THSD7B: variants seen among roughly 807,000 people sequenced by gnomAD.
The protein encoded by THSD7B is thrombospondin type 1 domain containing 7B.
A neutral mutation model predicts 213.6 loss-of-function variants in THSD7B; 138 were observed. That is an observed-to-expected ratio of 0.65 (90% confidence interval 0.56 to 0.74). The LOEUF is 0.74. Among genes scored for constraint, THSD7B ranks in the 30% least tolerant of loss-of-function variants. THSD7B has a pLI of 0.00. For missense variants in THSD7B, 1,931 were observed against 1,991.5 expected, an observed-to-expected ratio of 0.97 and a Z score of 0.58; for synonymous variants, 742 against 687.0, an observed-to-expected ratio of 1.08 and a Z score of -1.25.
chr2:137,584,084 C>T (rs113764024), intron 17 of THSD7B, among the ~76,000 whole-genome samples: 33,106 of 151,866 alleles, frequency 0.22, 3,775 homozygotes, highest in Middle Eastern at 0.32. Context: ...CTAGGTATTT[C>T]ATTCTCTTTG....
chr2:137,379,930 C>G (rs1685737235), intron 12 of THSD7B, among the ~76,000 whole-genome samples: 1 of 152,186 alleles, frequency 6.6e-6, no homozygotes, highest in Admixed American at 6.6e-5. Context: ...CCCTGCGGCC[C>G]AAATAATAGA....
intron 10 of THSD7B, among the ~76,000 whole-genome samples, chr2:137,247,778 A>G (rs763941908): frequency 3.9e-5 from 6 of 152,062 alleles, no homozygotes; most frequent in Non-Finnish European, 7.4e-5. Context: ...AAAAACAGAC[A>G]GTGATTTTTT....
intron 15 of THSD7B, among the ~76,000 whole-genome samples, chr2:137,471,199 G>A (rs1688088239): frequency 6.6e-6 from 1 of 152,082 alleles, no homozygotes; most frequent in Non-Finnish European, 1.5e-5. Context: ...GCAATTATAG[G>A]TGTAAGCCAC....
intron 15 of THSD7B, among the ~76,000 whole-genome samples, chr2:137,498,843 C>G (rs2105132859): frequency 1.3e-5 from 2 of 152,272 alleles, no homozygotes; most frequent in Middle Eastern, 3.4e-3. Context: ...GAGTGAGCTG[C>G]CTCATGCTGA....
intron 22 of THSD7B, among the ~76,000 whole-genome samples, chr2:137,655,871 C>T (rs1041537904): frequency 6.6e-6 from 1 of 152,260 alleles, no homozygotes; most frequent in Non-Finnish European, 1.5e-5. Flanking sequence ...GATTTGGAAA[C>T]TTAAGAGCTA....
chr2:136,947,169 T>G (rs1201610204), intron 2 of THSD7B, among the ~76,000 whole-genome samples: 1 of 152,202 alleles, frequency 6.6e-6, no homozygotes, highest in Non-Finnish European at 1.5e-5. Flanking sequence ...TAAGAGAAAG[T>G]CTTTCTTCTA....
chr2:137,674,586 ATACT>A (rs1271475070), intron 27 of THSD7B, among the ~76,000 whole-genome samples: 16 of 152,240 alleles, frequency 1.1e-4, no homozygotes, highest in African/African-American at 3.9e-4. Flanking sequence ...TCACTGGAAC[ATACT>A]TAGTATAGAT....
intron 10 of THSD7B, among the ~76,000 whole-genome samples, chr2:137,246,542 G>A (rs1453442375): frequency 1.3e-5 from 2 of 152,136 alleles, no homozygotes; most frequent in Admixed American, 1.3e-4. Context: ...TGATTCAAGA[G>A]CTAAAACCTT....
intron 24 of THSD7B, 29 bp downstream of exon 24, chr2:137,657,189 C>T: frequency 4.4e-6 from 7 of 1,598,760 alleles, no homozygotes; most frequent in Non-Finnish European, 6.0e-6. Flanking sequence ...CATGTGGGCA[C>T]TTCACAAACA....
intron 7 of THSD7B, among the ~76,000 whole-genome samples, chr2:137,206,552 G>A (rs13397411): frequency 0.59 from 90,301 of 151,808 alleles, 27,244 homozygotes; most frequent in South Asian, 0.71. Context: ...CCTAGTATCA[G>A]CATTTTAAAA....
intron 1 of THSD7B, among the ~76,000 whole-genome samples, chr2:136,866,699 G>A (rs539192915): frequency 2.4e-4 from 37 of 152,310 alleles, no homozygotes; most frequent in African/African-American, 5.1e-4. Context: ...GCAGAAAAGC[G>A]TTCCTACCTA....
chr2:136,859,272 A>G (rs555576657), intron 1 of THSD7B, among the ~76,000 whole-genome samples: 18 of 152,342 alleles, frequency 1.2e-4, no homozygotes, highest in Admixed American at 2.6e-4. Context: ...TTAAAAAGGA[A>G]CAAACATTAC....
At chr2:137,466,957 G>T (rs143008223) in intron 15 of THSD7B, among the ~76,000 whole-genome samples, 25 of 152,160 alleles carry the variant, frequency 1.6e-4, no homozygotes, top group African/African-American at 6.0e-4. Flanking sequence ...TCCTGAAGCA[G>T]CAGTGACCAA....
At chr2:137,094,184 G>T (rs182577171) in intron 3 of THSD7B, among the ~76,000 whole-genome samples, 5 of 152,194 alleles carry the variant, frequency 3.3e-5, no homozygotes, top group Non-Finnish European at 7.3e-5. Flanking sequence ...TCATGAGCTT[G>T]TTGTGAGAAA....
chr2:137,000,887 G>A (rs982365759), intron 2 of THSD7B, among the ~76,000 whole-genome samples: 1 of 152,032 alleles, frequency 6.6e-6, no homozygotes, highest in Non-Finnish European at 1.5e-5. Context: ...TCAAAAGGGT[G>A]CCTCTCATAG....
chr2:137,195,736 A>G (rs1680747077), intron 7 of THSD7B, among the ~76,000 whole-genome samples: 1 of 152,186 alleles, frequency 6.6e-6, no homozygotes, highest in African/African-American at 2.4e-5. Context: ...CAAATGAATA[A>G]TGGAATTAAA....
intron 12 of THSD7B, among the ~76,000 whole-genome samples, chr2:137,338,584 A>G (rs993907549): frequency 5.3e-5 from 8 of 152,134 alleles, no homozygotes; most frequent in Non-Finnish European, 1.2e-4. Context: ...TTAGTTTACA[A>G]TGTTAATGAA....
At chr2:137,496,947 C>A (rs1679582454) in intron 15 of THSD7B, among the ~76,000 whole-genome samples, 2 of 152,114 alleles carry the variant, frequency 1.3e-5, no homozygotes, top group South Asian at 4.1e-4. Context: ...CTAGGGTCAG[C>A]AAATTGCAGA....
At chr2:137,376,952 A>C (rs1383908685) in intron 12 of THSD7B, among the ~76,000 whole-genome samples, 1 of 152,190 alleles carries the variant, frequency 6.6e-6, no homozygotes, top group Non-Finnish European at 1.5e-5. Flanking sequence ...ATGTAGAAAG[A>C]AGGAAGGAAA....
Sources: allele counts gnomAD v4.1 joint callset (sites outside exome capture counted in the v4.1 genomes callset), GRCh38; gene constraint gnomAD v4.1.1; transcripts MANE v1.5; gene names NCBI Gene and HGNC (gene_info 2026-07-23, HGNC 2026-07-21).